PEX14: variants seen among roughly 807,000 people sequenced by gnomAD.
The protein encoded by PEX14 is peroxisomal membrane protein PEX14.
A neutral mutation model predicts 49.5 loss-of-function variants in PEX14; 15 were observed. The ratio of observed to expected loss-of-function variants is 0.30; its 90% confidence interval spans 0.20 to 0.47. The LOEUF is 0.47. Ranked by LOEUF, PEX14 falls within the 20% of genes least tolerant of loss-of-function variation. PEX14 has a pLI of 1.00. For synonymous variants in PEX14, 210 were observed against 212.7 expected, an observed-to-expected ratio of 0.99 and a Z score of 0.11; for missense variants, 398 against 494.8, an observed-to-expected ratio of 0.80 and a Z score of 1.86.
chr1:10,487,355 AC>A (rs1339963940), intron 1 of PEX14, among the ~76,000 whole-genome samples: 1 of 151,172 alleles, frequency 6.6e-6, no homozygotes, highest in African/African-American at 2.4e-5. Flanking sequence ...ATTCTTTGAA[AC>A]AGTTTATATA....
intron 4 of PEX14, among the ~76,000 whole-genome samples, chr1:10,602,074 T>C (rs899734386): frequency 1.9e-4 from 29 of 152,212 alleles, no homozygotes; most frequent in African/African-American, 7.0e-4. Context: ...ACTGTTAGTC[T>C]TTCTGAAAGA....
intron 1 of PEX14, among the ~76,000 whole-genome samples, chr1:10,489,846 G>C (rs1035358675): frequency 1.3e-5 from 2 of 152,186 alleles, no homozygotes; most frequent in African/African-American, 4.8e-5. Context: ...GTGATTTTAG[G>C]GCCCAAGTAA....
intron 3 of PEX14, among the ~76,000 whole-genome samples, chr1:10,537,403 C>T (rs1416250549): frequency 5.2e-5 from 7 of 134,708 alleles, no homozygotes; most frequent in Middle Eastern, 4.2e-3. Flanking sequence ...CTGGCCTCGC[C>T]ACTCCGCAAG....
intron 1 of PEX14, among the ~76,000 whole-genome samples, chr1:10,487,322 T>A (rs1641387275): frequency 6.7e-6 from 1 of 148,340 alleles, no homozygotes; most frequent in Non-Finnish European, 1.5e-5. Flanking sequence ...ATGGAGTGAG[T>A]TTGGCAGTTT....
Position 10,582,613 on chromosome 1 carries a change from A to G in PEX14, c.170-16625A>G, listed in dbSNP as rs935020046. ...AAGCTACTCTGATGGCTGGAACATCAGGGGTGGAAGACTGATGCCTGACTC... is the reference window on the plus strand; with the variant it reads ...AAGCTACTCTGATGGCTGGAACATCGGGGGTGGAAGACTGATGCCTGACTC... On this transcript the variant is annotated intron_variant, in intron 3 of 8. Coordinates refer to ENST00000356607, the MANE Select transcript of PEX14 (RefSeq NM_004565.3). 2.0e-5 allele frequency among the ~76,000 whole-genome samples: 3 copies of G among 152,194 alleles called. 1 individual carries two copies. In the South Asian group the frequency reaches 6.2e-4, roughly 31 times the overall value.
At chr1:10,593,989 T>C (rs1272119968) in intron 3 of PEX14, among the ~76,000 whole-genome samples, 1 of 152,188 alleles carries the variant, frequency 6.6e-6, no homozygotes, top group African/African-American at 2.4e-5. Flanking sequence ...TAATACAGGC[T>C]AATGAAATAC....
At chr1:10,531,602 C>T (rs1482184176) in intron 2 of PEX14, among the ~76,000 whole-genome samples, 2 of 152,056 alleles carry the variant, frequency 1.3e-5, no homozygotes, top group Non-Finnish European at 2.9e-5. Flanking sequence ...TTTCTTTTGC[C>T]CTCTAGTTGT....
intron 3 of PEX14, among the ~76,000 whole-genome samples, chr1:10,544,029 C>A (rs1639098288): frequency 6.6e-6 from 1 of 152,176 alleles, no homozygotes; most frequent in Admixed American, 6.5e-5. Flanking sequence ...TGTGGGGGAT[C>A]TGGGCCGGGT....
intron 2 of PEX14, among the ~76,000 whole-genome samples, chr1:10,502,451 G>C (rs1250079182): frequency 1.3e-5 from 2 of 152,178 alleles, no homozygotes; most frequent in Non-Finnish European, 2.9e-5. Flanking sequence ...TTATTGCATA[G>C]ACTAGGCGGT....
At chr1:10,481,967 G>A (rs1281941693) in intron 1 of PEX14, among the ~76,000 whole-genome samples, 3 of 151,034 alleles carry the variant, frequency 2.0e-5, no homozygotes, top group African/African-American at 4.9e-5. Context: ...GACCACAGGC[G>A]CATGCCACCA....
intron 2 of PEX14, among the ~76,000 whole-genome samples, chr1:10,510,467 T>G (rs1196546156): frequency 1.3e-5 from 2 of 152,216 alleles, no homozygotes; most frequent in East Asian, 3.8e-4. Context: ...GTGTTCCAGC[T>G]TATCTACTTT....
intron 2 of PEX14, among the ~76,000 whole-genome samples, chr1:10,532,093 A>G (rs1638666019): frequency 6.6e-6 from 1 of 152,210 alleles, no homozygotes; most frequent in African/African-American, 2.4e-5. Context: ...ACAGTTACAA[A>G]TCCTGCTCTC....
chr1:10,622,187 C>T (rs284305), intron 5 of PEX14, among the ~76,000 whole-genome samples: 144,899 of 152,254 alleles, frequency 0.95, 69,032 homozygotes, highest in Middle Eastern at 0.98. Flanking sequence ...CCTGCCTGCC[C>T]CCTTCCTGAA....
intron 3 of PEX14, among the ~76,000 whole-genome samples, chr1:10,558,736 CAAAAAAA>C (rs34343338): frequency 8.8e-6 from 1 of 113,438 alleles, no homozygotes; most frequent in South Asian, 2.7e-4. Flanking sequence ...GACCCTGTCT[CAAAAAAA>C]AAAAAAAAAA....
At chr1:10,492,058 G>A (rs566293578) in intron 1 of PEX14, among the ~76,000 whole-genome samples, 103 of 152,276 alleles carry the variant, frequency 6.8e-4, no homozygotes, top group African/African-American at 2.3e-3. Flanking sequence ...GTCCCCTAGG[G>A]TTGGAATGAG....
At chr1:10,528,154 C>A (rs1197873690) in intron 2 of PEX14, 1 of 169,204 alleles carries the variant, frequency 5.9e-6, no homozygotes, top group Non-Finnish European at 1.2e-5. Context: ...CTGGTGGTCA[C>A]CTATTCAGTA....
intron 1 of PEX14, among the ~76,000 whole-genome samples, chr1:10,492,662 G>A (rs797010545): frequency 2.6e-5 from 4 of 152,270 alleles, no homozygotes; most frequent in African/African-American, 9.6e-5. Flanking sequence ...GATAATGAAC[G>A]GAAGAATCTA....
At chr1:10,537,675 T>C (rs1278686662) in intron 3 of PEX14, among the ~76,000 whole-genome samples, 1 of 152,174 alleles carries the variant, frequency 6.6e-6, no homozygotes, top group Non-Finnish European at 1.5e-5. Flanking sequence ...TCATTTTCTC[T>C]CAAACGCAGC....
chr1:10,552,398 C>T (rs558405271), intron 3 of PEX14, among the ~76,000 whole-genome samples: 17 of 151,948 alleles, frequency 1.1e-4, no homozygotes, highest in Admixed American at 5.2e-4. Context: ...TCTGAGATCA[C>T]GCCATTGTAC....
Sources: allele counts gnomAD v4.1 joint callset (sites outside exome capture counted in the v4.1 genomes callset), GRCh38; gene constraint gnomAD v4.1.1; transcripts MANE v1.5; gene names NCBI Gene and HGNC (gene_info 2026-07-23, HGNC 2026-07-21).